RCHY1: variants seen among roughly 807,000 people sequenced by gnomAD.
RCHY1 encodes the protein RING finger and CHY zinc finger domain-containing protein 1.
Under a neutral mutation model 41.6 loss-of-function variants are expected in RCHY1, and 21 were observed. The observed-to-expected ratio is 0.51, with a 90% confidence interval of 0.36 to 0.73. The LOEUF (loss-of-function observed/expected upper bound fraction) is 0.73. Ranked by LOEUF, RCHY1 falls within the 30% of genes least tolerant of loss-of-function variation. The pLI is 0.00. For missense variants in RCHY1, 265 were observed against 325.3 expected, an observed-to-expected ratio of 0.81 and a Z score of 1.43; for synonymous variants, 79 against 102.9, an observed-to-expected ratio of 0.77 and a Z score of 1.41.
At chr4:75,489,649 T>C (rs991904034) in intron 8 of RCHY1, among the ~76,000 whole-genome samples, 6 of 152,188 alleles carry the variant, frequency 3.9e-5, no homozygotes, top group South Asian at 2.1e-4. Flanking sequence ...TAATAATAAA[T>C]AGAATCTCAT....
intron 1 of RCHY1, among the ~76,000 whole-genome samples, chr4:75,509,968 A>G (rs2148777035): frequency 6.6e-6 from 1 of 152,346 alleles, no homozygotes; most frequent in East Asian, 1.9e-4. Context: ...CCTAAACAGC[A>G]AACAGGCAAC....
intron 8 of RCHY1, 76 bp downstream of exon 8, chr4:75,490,505 G>A: frequency 8.4e-7 from 1 of 1,185,892 alleles, no homozygotes; most frequent in Non-Finnish European, 1.2e-6. Flanking sequence ...TTTTTTTTTG[G>A]CAAATTCAAG....
chr4:75,496,598 T>C (rs1723231557), intron 3 of RCHY1, among the ~76,000 whole-genome samples: 1 of 152,106 alleles, frequency 6.6e-6, no homozygotes, highest in African/African-American at 2.4e-5. Context: ...AAACTCATAA[T>C]TCGCAGGCTC....
chr4:75,510,107 G>T (rs1218274345), intron 1 of RCHY1, among the ~76,000 whole-genome samples: 1 of 152,064 alleles, frequency 6.6e-6, no homozygotes, highest in East Asian at 1.9e-4. Context: ...AAATGTAAGA[G>T]ACAGCCCTTG....
chr4:75,507,307 A>G (rs1205544548), intron 3 of RCHY1, among the ~76,000 whole-genome samples: 1 of 152,118 alleles, frequency 6.6e-6, no homozygotes, highest in African/African-American at 2.4e-5. Flanking sequence ...TAGTAAGCCA[A>G]TGATGTATGT....
intron 3 of RCHY1, among the ~76,000 whole-genome samples, chr4:75,505,564 ATTAGAG>A (rs1724219224): frequency 6.6e-6 from 1 of 152,320 alleles, no homozygotes; most frequent in South Asian, 2.1e-4. Flanking sequence ...GTGAAAATGA[ATTAGAG>A]TTAATCAAAT....
At chr4:75,502,025 C>G (rs1413472620) in intron 3 of RCHY1, among the ~76,000 whole-genome samples, 1 of 151,230 alleles carries the variant, frequency 6.6e-6, no homozygotes, top group Non-Finnish European at 1.5e-5. Context: ...TGAGCCAAGA[C>G]AGTGCCATTG....
At chr4:75,501,804 T>G (rs914526482) in intron 3 of RCHY1, among the ~76,000 whole-genome samples, 1 of 152,144 alleles carries the variant, frequency 6.6e-6, no homozygotes, top group African/African-American at 2.4e-5. Flanking sequence ...AAAGGCTCAG[T>G]GCGGTGGCTC....
At chr4:75,493,140 C>A (rs368517028) in intron 4 of RCHY1, among the ~76,000 whole-genome samples, 1 of 151,932 alleles carries the variant, frequency 6.6e-6, no homozygotes, top group African/African-American at 2.4e-5. Context: ...GCATAGCTTG[C>A]CATCACCCCA....
At chr4:75,489,810 G>A (rs1008897536) in intron 8 of RCHY1, among the ~76,000 whole-genome samples, 14 of 152,170 alleles carry the variant, frequency 9.2e-5, no homozygotes, top group Non-Finnish European at 1.6e-4. Context: ...TGGAGACTGG[G>A]TCTCTGAGAA....
At chr4:75,486,255 G>A (rs889822202) in intron 8 of RCHY1, among the ~76,000 whole-genome samples, 4 of 152,052 alleles carry the variant, frequency 2.6e-5, no homozygotes, top group Non-Finnish European at 5.9e-5. Flanking sequence ...AGATGACTGA[G>A]AAAACATTCG....
At chr4:75,513,816 G>T (rs1158064721) in intron 1 of RCHY1, 1 of 161,760 alleles carries the variant, frequency 6.2e-6, no homozygotes, top group East Asian at 1.8e-4. Flanking sequence ...ATCGTATTCG[G>T]GTTCTCCACT....
chr4:75,502,512 C>T (rs961490181), intron 3 of RCHY1, among the ~76,000 whole-genome samples: 2 of 152,084 alleles, frequency 1.3e-5, no homozygotes, highest in Non-Finnish European at 2.9e-5. Flanking sequence ...TGCACTCCAG[C>T]CTGGGCGCCA....
intron 3 of RCHY1, 90 bp from the exon 4 acceptor site, chr4:75,494,269 T>TAA: frequency 1.1e-6 from 1 of 906,046 alleles, no homozygotes; most frequent in Non-Finnish European, 1.7e-6. Context: ...TTAGTCTCTG[T>TAA]AAAAAAAATT....
intron 3 of RCHY1, among the ~76,000 whole-genome samples, chr4:75,501,105 G>A (rs1303286702): frequency 6.6e-6 from 1 of 152,170 alleles, no homozygotes; most frequent in African/African-American, 2.4e-5. Context: ...CCGCCCACGG[G>A]TTCAAGCAAT....
At chr4:75,510,301 C>T (rs181142726) in intron 1 of RCHY1, among the ~76,000 whole-genome samples, 1 of 152,330 alleles carries the variant, frequency 6.6e-6, no homozygotes, top group East Asian at 1.9e-4. Context: ...ACCTGCATCA[C>T]TCGCCTTGGA....
chr4:75,489,548 A>AGACATTGCAGATT (rs1553917976), intron 8 of RCHY1, among the ~76,000 whole-genome samples: 1 of 151,516 alleles, frequency 6.6e-6, no homozygotes, highest in Non-Finnish European at 1.5e-5. Flanking sequence ...CCTTGGTCAA[A>AGACATTGCAGATT]GATATTGCAG....
intron 1 of RCHY1, among the ~76,000 whole-genome samples, chr4:75,511,769 T>A (rs35931543): frequency 0.31 from 46,772 of 149,940 alleles, 7,588 homozygotes; most frequent in Non-Finnish European, 0.35. Flanking sequence ...CTAGCAATAC[T>A]AAACAGTGCT....
chr4:75,485,071 C>A (rs1721870851), intron 8 of RCHY1, among the ~76,000 whole-genome samples: 2 of 152,124 alleles, frequency 1.3e-5, no homozygotes, highest in Admixed American at 6.6e-5. Flanking sequence ...ACTATACTGC[C>A]CTGAAGGCTA....
Sources: allele counts gnomAD v4.1 joint callset (sites outside exome capture counted in the v4.1 genomes callset), GRCh38; gene constraint gnomAD v4.1.1; transcripts MANE v1.5; gene names NCBI Gene and HGNC (gene_info 2026-07-23, HGNC 2026-07-21).